The following RLF variants were observed in gnomAD, a reference collection of about 807,000 sequenced individuals.
RLF encodes zinc finger protein Rlf.
Under a neutral mutation model 162.9 loss-of-function variants are expected in RLF, and 7 were observed. The observed-to-expected ratio is 0.04, with a 90% CI of 0.02 to 0.08. RLF has a LOEUF of 0.08. RLF is among the 10% of genes least tolerant of loss of function. RLF has a pLI of 1.00. For synonymous variants in RLF, 782 were observed against 791.5 expected (o/e 0.99, Z 0.20); for missense variants, 1,664 against 2,244.7 (o/e 0.74, Z 5.23).
At chr1:40,230,349 T>G (rs1643136883) in intron 6 of RLF, among the ~76,000 whole-genome samples, 1 of 152,206 alleles carries the variant, frequency 6.6e-6, no homozygotes, top group Non-Finnish European at 1.5e-5. Flanking sequence ...ATGAAAATTA[T>G]TTAATCAGTA....
intron 5 of RLF, among the ~76,000 whole-genome samples, chr1:40,208,504 T>G (rs1642825520): frequency 6.6e-6 from 1 of 152,184 alleles, no homozygotes; most frequent in South Asian, 2.1e-4. Flanking sequence ...TGTGTCGGTA[T>G]CTAATCCTTA....
chr1:40,221,798 G>T (rs1642999686), intron 5 of RLF, among the ~76,000 whole-genome samples: 1 of 151,106 alleles, frequency 6.6e-6, no homozygotes, highest in Non-Finnish European at 1.5e-5. Context: ...TACTCTGGAG[G>T]CTGAGGCAGG....
rs768826089 is a variant in RLF at position 40,239,582 on chromosome 1, A to G, written c.4880A>G (p.His1627Arg). Reference protein sequence around the residue: ...SCESERTEHSHSPGDSSAPIQ... With the variant: ...SCESERTEHSRSPGDSSAPIQ... ...GAATCAGAGCGCACAGAACACAGCC[A>G]TTCCCCGGGTGACAGTAGTGCACCC... The change falls in exon 8 of 8, where the codon CAT (histidine) becomes CGT (arginine). Residue 1627 changes from histidine to arginine, a missense_variant. His to Arg is a conservative substitution (Grantham distance 29). Transcript: ENST00000372771. 244 of 1,614,166 alleles carry G rather than the reference A, an allele frequency of 1.5e-4. No individual in the cohort carries two copies. The highest frequency in any genetic ancestry group is 2.0e-4 in the Non-Finnish European group (232 of 1,180,032).
intron 3 of RLF, 89 bp from the exon 4 acceptor site, chr1:40,195,543 C>T: frequency 9.9e-7 from 1 of 1,014,626 alleles, no homozygotes; most frequent in Non-Finnish European, 1.4e-6. Flanking sequence ...TAGGTTCTTT[C>T]AATTCCTAGG....
intron 5 of RLF, among the ~76,000 whole-genome samples, chr1:40,205,117 C>T (rs960587434): frequency 6.6e-6 from 1 of 152,162 alleles, no homozygotes; most frequent in African/African-American, 2.4e-5. Flanking sequence ...TTATAACCAC[C>T]CCATTGGCAT....
chr1:40,236,210 A>G lies in RLF; in HGVS notation c.1508A>G (p.Asp503Gly), dbSNP rs947838111. The change falls in exon 8 of 8, where the codon GAC becomes GGC. Residue 503 changes from aspartate to glycine, a missense_variant. Transcript: ENST00000372771. The surrounding 1 kb of genome is among the most constrained non-coding windows in gnomAD (Gnocchi z 7.7). ...AGTGGCTATGAAATGTCCATTAATG[A>G]CACAGATGTTTTAGAGTCATTTCTC... ...DLSGYEMSIN[D>G]TDVLESFLSD... The G allele has an allele frequency of 9.9e-6, 16 of 1,614,034 alleles. No homozygotes were observed. The highest frequency in any genetic ancestry group is 1.4e-5 in the Non-Finnish European group (16 of 1,179,972).
intron 3 of RLF, among the ~76,000 whole-genome samples, chr1:40,192,581 T>C (rs1179044800): frequency 6.6e-6 from 1 of 152,162 alleles, no homozygotes; most frequent in Non-Finnish European, 1.5e-5. Flanking sequence ...CTTGCTTGAA[T>C]AAAATAGTTG....
chr1:40,214,442 T>C (rs1190807218), intron 5 of RLF, among the ~76,000 whole-genome samples: 1 of 152,222 alleles, frequency 6.6e-6, no homozygotes, highest in Non-Finnish European at 1.5e-5. Context: ...GTAATATGCC[T>C]GTCAGGTGGC....
intron 1 of RLF, among the ~76,000 whole-genome samples, chr1:40,165,776 A>G (rs767328148): frequency 1.8e-4 from 27 of 152,086 alleles, no homozygotes; most frequent in Admixed American, 9.2e-4. Context: ...AAATACCTCA[A>G]TTCCTCCCCC....
chr1:40,162,756 T>C (rs1642113033), intron 1 of RLF, among the ~76,000 whole-genome samples: 2 of 152,220 alleles, frequency 1.3e-5, no homozygotes, highest in African/African-American at 2.4e-5. Context: ...TTACTAATCT[T>C]TTCCGTGGAT....
chr1:40,161,705 T>G lies in RLF; in HGVS notation c.237+69T>G. On this transcript the variant is annotated intron_variant, in intron 1 of 7. Coordinates refer to ENST00000372771, the MANE Select transcript of RLF (RefSeq NM_012421.4). The surrounding 1 kb of genome is among the most constrained non-coding windows in gnomAD (Gnocchi z 4.4). ...TCAGGGAAGGAGGCCCTGGATCCTC[T>G]GTAAGCAGCCGGGTCCAAACTGAAA... The G allele has an allele frequency of 6.4e-7, 1 of 1,572,600 alleles. No individual in the cohort carries two copies. Among genetic ancestry groups the G allele is most frequent in the Non-Finnish European group, 8.6e-7 (1 of 1,167,810 alleles).
chr1:40,180,857 G>C (rs1314311199), intron 1 of RLF, among the ~76,000 whole-genome samples: 3 of 152,246 alleles, frequency 2.0e-5, no homozygotes, highest in Non-Finnish European at 4.4e-5. Context: ...TTACTCTCTT[G>C]ATAGTGTCCT....
intron 5 of RLF, among the ~76,000 whole-genome samples, chr1:40,204,630 C>G (rs2124544121): frequency 6.6e-6 from 1 of 151,582 alleles, no homozygotes; most frequent in South Asian, 2.1e-4. Context: ...CCATGTTGCC[C>G]AGGCTGGTCT....
Position 40,240,915 on chromosome 1 carries a change from T to C in RLF, c.*468T>C, listed in dbSNP as rs1643284167. 6.5e-6 allele frequency: 1 copy of C among 153,318 alleles called. No homozygotes were observed. The highest frequency in any genetic ancestry group is 2.1e-4 in the South Asian group (1 of 4,850). 9.5% of individuals were successfully genotyped at this position (153,318 alleles called of 1,614,324 possible). A position where few individuals can be genotyped will look rare whatever the true frequency, so the allele number is the denominator to read the frequency against. On this transcript the variant is annotated 3_prime_UTR_variant, in exon 8 of 8. Coordinates refer to ENST00000372771, the MANE Select transcript of RLF (RefSeq NM_012421.4). Reference sequence around the variant, plus strand: ...TTGAGTTTCAATAAATTACAATTTTTCACCCATTCGTTGTTTACTCATAAT... The same window carrying C: ...TTGAGTTTCAATAAATTACAATTTTCCACCCATTCGTTGTTTACTCATAAT...
At chr1:40,220,970 TAAA>T (rs750563466) in intron 5 of RLF, among the ~76,000 whole-genome samples, 3 of 101,820 alleles carry the variant, frequency 2.9e-5, no homozygotes, top group Non-Finnish European at 4.2e-5. Context: ...CTACAAAAAT[TAAA>T]AAAAAAAAAA....
chr1:40,221,924 A>AG (rs1370301456), intron 5 of RLF, among the ~76,000 whole-genome samples: 2 of 150,592 alleles, frequency 1.3e-5, no homozygotes, highest in Non-Finnish European at 3.0e-5. Context: ...AAAAAGAGAA[A>AG]GGAAAGGAGC....
At chr1:40,176,525 T>C (rs1319064639) in intron 1 of RLF, among the ~76,000 whole-genome samples, 1 of 152,214 alleles carries the variant, frequency 6.6e-6, no homozygotes, top group Non-Finnish European at 1.5e-5. Context: ...CTGCAGCCTC[T>C]GCCTCCCAGG....
rs1192178245 is a variant in RLF, at chr1:40,239,176, A to G, written c.4474A>G (p.Lys1492Glu). The G allele has an allele frequency of 1.9e-6, 3 of 1,614,032 alleles. No individual in the cohort carries two copies. In the African/African-American group the frequency reaches 4.0e-5, roughly 22 times the overall value. The part of the protein sequence containing the change: ...VANERLLRSE[K>E]VCQTADTQGH... ...AAATGAGAGACTACTAAGGAGTGAA[A>G]AGGTATGTCAAACAGCTGATACTCA... The change falls in exon 8 of 8, where the codon AAG (lysine) becomes GAG (glutamate). Residue 1492 changes from lysine to glutamate, a missense_variant. Lys to Glu is a moderately conservative substitution (Grantham distance 56). This residue lies in a region of RLF where 200 missense variants were observed against 207.3 expected (regional missense o/e 0.96). Transcript: ENST00000372771.
At chr1:40,164,496 A>T (rs1347263418) in intron 1 of RLF, among the ~76,000 whole-genome samples, 1 of 152,238 alleles carries the variant, frequency 6.6e-6, no homozygotes, top group African/African-American at 2.4e-5. Context: ...AACTGTATTC[A>T]GTGAAAATTG....
Sources: allele counts gnomAD v4.1 joint callset (sites outside exome capture counted in the v4.1 genomes callset), GRCh38; gene constraint gnomAD v4.1.1; regional missense constraint gnomAD v4.1.1; non-coding constraint Gnocchi (gnomAD v3.1); transcripts MANE v1.5; gene names NCBI Gene and HGNC (gene_info 2026-07-23, HGNC 2026-07-21).